Variants in CLIP1 observed in about 807,000 individuals in gnomAD.
CLIP1 encodes CAP-Gly domain containing linker protein 1.
Under a neutral mutation model 161.6 loss-of-function variants are expected in CLIP1, and 66 were observed. The observed-to-expected ratio is 0.41, with a 90% confidence interval of 0.33 to 0.50. The LOEUF is 0.50. Ranked by LOEUF, CLIP1 falls within the 20% of genes least tolerant of loss-of-function variation. The pLI, the probability that CLIP1 is intolerant of heterozygous loss-of-function variation, is 0.27. For synonymous variants in CLIP1, 598 were observed against 626.2 expected (o/e 0.96, Z 0.67); for missense variants, 1,376 against 1,702.0 (o/e 0.81, Z 3.37).
intron 3 of CLIP1, among the ~76,000 whole-genome samples, chr12:122,365,883 G>A (rs939993897): frequency 6.6e-6 from 1 of 152,060 alleles, no homozygotes; most frequent in Non-Finnish European, 1.5e-5. Flanking sequence ...AGTGGTGTGC[G>A]CCTGTGGTCC....
In CLIP1 at chr12:122,341,164, T is replaced by C. The variant is rs1952479474; in HGVS notation, c.2040A>G (p.Gln680=). The C allele has an allele frequency of 1.9e-6, 3 of 1,614,232 alleles. No individual in the cohort carries two copies. The highest frequency in any genetic ancestry group is 2.5e-6 in the Non-Finnish European group (3 of 1,180,040). The change falls in exon 11 of 26, where the codon CAA becomes CAG. Residue 680 remains glutamine, a synonymous_variant. Transcript: ENST00000620786. ...YQHEIENLQN[Q]QDSERAAHAK... ...CATGGGCAGCCCGTTCAGAGTCTTG[T>C]TGATTCTGCAAATTTTCTATTTCGT... is the stretch of plus-strand genomic sequence containing the variant.
At chr12:122,286,300 C>T (rs1021426204) in intron 21 of CLIP1, among the ~76,000 whole-genome samples, 7 of 151,762 alleles carry the variant, frequency 4.6e-5, no homozygotes, top group Admixed American at 2.6e-4. Context: ...AAGTGGATCA[C>T]GAGGTCAGGA....
At position 122,416,842 on chromosome 12, in the gene CLIP1, G is replaced by A. The variant is rs562682585; in HGVS notation, c.-107+5679C>T. Among the ~76,000 whole-genome samples, 540 of 152,162 alleles carry A rather than the reference G, an allele frequency of 3.5e-3. 4 individuals carry two copies. Among genetic ancestry groups the A allele is most frequent in the South Asian group, 6.2e-3 (30 of 4,824 alleles). On this transcript the variant is annotated intron_variant, in intron 1 of 25. Transcript: ENST00000620786. ...TTGAACCCAGGAGGCAGAGGTTGCA[G>A]TAAGCAGAGATCACGCCATTGCACT...
At chr12:122,359,011 G>C (rs1400344507) in intron 5 of CLIP1, among the ~76,000 whole-genome samples, 2 of 152,152 alleles carry the variant, frequency 1.3e-5, no homozygotes, top group Non-Finnish European at 2.9e-5. Flanking sequence ...GCAGTGCGCT[G>C]AGATCGTGCC....
intron 1 of CLIP1, among the ~76,000 whole-genome samples, chr12:122,386,467 T>C (rs1457904421): frequency 1.3e-5 from 2 of 152,148 alleles, no homozygotes; most frequent in Admixed American, 6.5e-5. Context: ...AGGTACACCA[T>C]TGTTATGGAA....
intron 15 of CLIP1, 55 bp from the exon 16 acceptor site, chr12:122,328,481 T>G: frequency 9.4e-7 from 1 of 1,066,840 alleles, no homozygotes; most frequent in Non-Finnish European, 1.3e-6. Flanking sequence ...GTTTTAAATT[T>G]AAGTTATATT....
At chr12:122,420,901 C>T (rs1288350745) in intron 1 of CLIP1, among the ~76,000 whole-genome samples, 1 of 151,796 alleles carries the variant, frequency 6.6e-6, no homozygotes, top group Non-Finnish European at 1.5e-5. Context: ...CGCCACTGCA[C>T]TCTGGCCGGG....
intron 1 of CLIP1, among the ~76,000 whole-genome samples, chr12:122,413,878 A>C (rs1246893967): frequency 6.6e-6 from 1 of 152,058 alleles, no homozygotes; most frequent in East Asian, 1.9e-4. Flanking sequence ...TTAAAAGAAA[A>C]AAAAAAAAAG....
At chr12:122,418,283 G>C (rs976303538) in intron 1 of CLIP1, among the ~76,000 whole-genome samples, 1 of 151,976 alleles carries the variant, frequency 6.6e-6, no homozygotes, top group African/African-American at 2.4e-5. Context: ...ACAGCCCACA[G>C]ATAGGTATAC....
chr12:122,383,847 A>C (rs925480159), intron 1 of CLIP1, among the ~76,000 whole-genome samples: 17 of 152,160 alleles, frequency 1.1e-4, no homozygotes, highest in African/African-American at 1.4e-4. Flanking sequence ...GCAAAACAAA[A>C]AAAAAAAGAC....
intron 1 of CLIP1, among the ~76,000 whole-genome samples, chr12:122,412,579 C>G (rs537751821): frequency 1.3e-5 from 2 of 151,570 alleles, no homozygotes; most frequent in Non-Finnish European, 2.9e-5. Context: ...CATTTGAACT[C>G]GGTAGGCGGA....
Position 122,341,274 on chromosome 12 carries a change from A to G in CLIP1, c.1930T>C (p.Ser644Pro). ...TCTGTTCCAAGCCCTTTGCTGAAAGATACCTTCAGTTCTTCCATCGCCTGC... is the reference window on the plus strand; with the variant it reads ...TCTGTTCCAAGCCCTTTGCTGAAAGGTACCTTCAGTTCTTCCATCGCCTGC... Reference protein sequence around the residue: ...HQQAMEELKVSFSKGLGTETA... With the variant: ...HQQAMEELKVPFSKGLGTETA... Residue 644 changes from serine to proline, a missense_variant, in exon 11 of 26, where the codon TCT becomes CCT. Coordinates refer to ENST00000620786, the MANE Select transcript of CLIP1 (RefSeq NM_001247997.2). The G allele has an allele frequency of 1.9e-6, 3 of 1,614,016 alleles. No individual in the cohort carries two copies. The highest frequency in any genetic ancestry group is 2.5e-6 in the Non-Finnish European group (3 of 1,179,966).
At chr12:122,383,933 T>C (rs1955123864) in intron 1 of CLIP1, among the ~76,000 whole-genome samples, 1 of 152,060 alleles carries the variant, frequency 6.6e-6, no homozygotes, top group African/African-American at 2.4e-5. Context: ...GATTTGGACC[T>C]AAAATAAGAC....
chr12:122,325,843 C>T (rs1302963507), intron 17 of CLIP1, among the ~76,000 whole-genome samples: 4 of 152,062 alleles, frequency 2.6e-5, no homozygotes, highest in South Asian at 2.1e-4. Context: ...GTAGTAGAGA[C>T]GGTCTCACGA....
chr12:122,276,401 C>G, intron 24 of CLIP1: 1 of 1,289,066 alleles, frequency 7.8e-7, no homozygotes, highest in Admixed American at 2.3e-5. Context: ...CACACACACA[C>G]ACACGTGTGC....
intron 1 of CLIP1, among the ~76,000 whole-genome samples, chr12:122,404,917 C>CA (rs1206122793): frequency 1.4e-5 from 2 of 147,870 alleles, no homozygotes; most frequent in African/African-American, 2.5e-5. Context: ...AAAAACAAAA[C>CA]AAAAAAAAAC....
intron 20 of CLIP1, among the ~76,000 whole-genome samples, chr12:122,304,724 C>T (rs187379633): frequency 6.6e-6 from 1 of 152,278 alleles, no homozygotes; most frequent in African/African-American, 2.4e-5. Context: ...CTGCTGGACA[C>T]ATTTTTTAAT....
At chr12:122,321,513 C>A (rs2136656698) in intron 17 of CLIP1, among the ~76,000 whole-genome samples, 1 of 151,236 alleles carries the variant, frequency 6.6e-6, no homozygotes, top group African/African-American at 2.4e-5. Flanking sequence ...CCGTGAGCCA[C>A]CACACCTGGC....
intron 20 of CLIP1, among the ~76,000 whole-genome samples, chr12:122,299,463 G>A (rs747120338): frequency 1.0e-3 from 152 of 151,988 alleles, no homozygotes; most frequent in Non-Finnish European, 1.5e-3. Context: ...ACGTGATTGC[G>A]CCAAAGGATG....
Sources: gnomAD v4.1 joint callset for allele counts (sites outside exome capture counted in the v4.1 genomes callset) on GRCh38, gnomAD v4.1.1 for gene constraint, MANE v1.5 for transcripts, NCBI Gene and HGNC (gene_info 2026-07-23, HGNC 2026-07-21) for gene names.